CALHM5: variants seen among roughly 807,000 people sequenced by gnomAD.
CALHM5 encodes calcium homeostasis modulator protein 5.
A neutral mutation model predicts 20.9 loss-of-function variants in CALHM5; 17 were observed. The observed-to-expected ratio is 0.82, with a 90% CI of 0.56 to 1.22. The LOEUF (loss-of-function observed/expected upper bound fraction) is 1.22. CALHM5 is among the 50% of genes most tolerant of loss of function. The pLI, the probability that CALHM5 is intolerant of heterozygous loss-of-function variation, is 0.00. For synonymous variants in CALHM5, 148 were observed against 140.0 expected (o/e 1.06, Z -0.40); for missense variants, 360 against 364.6 (o/e 0.99, Z 0.10).
At position 116,511,793 on chromosome 6, in the gene CALHM5, C is replaced by T; in HGVS notation, c.97C>T (p.Leu33Phe). 6.2e-7 allele frequency: 1 copy of T among 1,614,096 alleles called. No individual in the cohort carries two copies. Among genetic ancestry groups the T allele is most frequent in the Non-Finnish European group, 8.5e-7 (1 of 1,180,002 alleles). The change falls in exon 1 of 2, where the codon CTC becomes TTC. Residue 33 changes from leucine (L) to phenylalanine (F), a missense_variant. Transcript: ENST00000368599. ...MALLTVGSER[L>F]FSVVAFKCPC... ...TCTGCTGACCGTGGGAAGTGAGCGTCTCTTTTCTGTTGTGGCTTTTAAGTG... is the reference window on the plus strand; with the variant it reads ...TCTGCTGACCGTGGGAAGTGAGCGTTTCTTTTCTGTTGTGGCTTTTAAGTG...
Position 116,515,612 on chromosome 6 carries a change from T to C in CALHM5, c.553T>C (p.Cys185Arg). ...LQAQSQILGW[C>R]LICSASFFSL... is the part of the protein sequence containing the mutation. ...CTTTCTTCTTAAGATTCTAGGATGG[T>C]GCCTGATTTGTTCAGCGTCTTTCTT... The change falls in exon 2 of 2, where the codon TGC (cysteine) becomes CGC (arginine). Residue 185 changes from cysteine (C) to arginine (R), a missense_variant. Physicochemically the swap from Cys to Arg is radical, Grantham distance 180. Coordinates refer to ENST00000368599, the MANE Select transcript of CALHM5 (RefSeq NM_153711.5). 6.2e-7 allele frequency: 1 copy of C among 1,610,438 alleles called. No individual in the cohort carries two copies. The highest frequency in any genetic ancestry group is 8.5e-7 in the Non-Finnish European group (1 of 1,178,306).
chr6:116,516,147 G>A lies in CALHM5; in HGVS notation c.*158G>A, dbSNP rs3734309. 406,811 of 933,748 alleles carry A rather than the reference G, an allele frequency of 0.44. 92,049 individuals are homozygous for A. The highest frequency in any genetic ancestry group is 0.54 in the Admixed American group (16,499 of 30,282). 57.8% of individuals were successfully genotyped at this position (933,748 alleles called of 1,614,324 possible). A position where few individuals can be genotyped will look rare whatever the true frequency, so the allele number is the denominator to read the frequency against. ...GGAAACTGCTTTGAAGCTCTCAAGT[G>A]GAACATCAGGATGTGCTCAAATTGA... is the stretch of plus-strand genomic sequence containing the variant. On this transcript the variant is annotated 3_prime_UTR_variant, in exon 2 of 2. Transcript: ENST00000368599.
At position 116,523,490 on chromosome 6, in the gene CALHM5, G is replaced by C. The variant is rs895330121; in HGVS notation, c.*7501G>C. 2.6e-5 allele frequency: 4 copies of C among 152,018 alleles called. No homozygotes were observed. Among genetic ancestry groups the C allele is most frequent in the African/African-American group, 9.7e-5 (4 of 41,374 alleles). The allele number at this position is 152,018 out of a possible 1,614,324, so 9.4% of individuals were successfully genotyped here. A position where few individuals can be genotyped will look rare whatever the true frequency, so the allele number is the denominator to read the frequency against. On this transcript the variant is annotated 3_prime_UTR_variant, in exon 2 of 2. Transcript: ENST00000368599. ...TACTAATTCTTTTATTGTTTGTAGG[G>C]CTTTTCAGAATTTGAAAGTAAACAT... is the stretch of plus-strand genomic sequence containing the variant.
rs1286041927 is a variant in CALHM5 at position 116,518,235 on chromosome 6, C to T, written c.*2246C>T. The T allele has an allele frequency of 1.3e-5, 2 of 152,076 alleles. No individual in the cohort carries two copies. The highest frequency in any genetic ancestry group is 3.9e-4 in the East Asian group (2 of 5,154). The allele number at this position is 152,076 out of a possible 1,614,324, so 9.4% of individuals were successfully genotyped here. On this transcript the variant is annotated 3_prime_UTR_variant, in exon 2 of 2. Transcript: ENST00000368599. ...ACTGGTGTCTGAAGTTGGGGGAGAT[C>T]TTATGGGACTGAGCTCTTAACCTGC... is the stretch of plus-strand genomic sequence containing the variant.
rs1269808795 is a variant in CALHM5, at chr6:116,517,452, T to C, written c.*1463T>C. Reference sequence around the variant, plus strand: ...TAAATCTCTGAGAAGAATTGTGCTTTAAAAAAGAACTATGTTTTGTGCTGT... The same window carrying C: ...TAAATCTCTGAGAAGAATTGTGCTTCAAAAAAGAACTATGTTTTGTGCTGT... On this transcript the variant is annotated 3_prime_UTR_variant, in exon 2 of 2. Transcript: ENST00000368599. 6.6e-6 allele frequency: 1 copy of C among 152,168 alleles called. No individual in the cohort carries two copies. The highest frequency in any genetic ancestry group is 1.5e-5 in the Non-Finnish European group (1 of 68,024). 9.4% of individuals were successfully genotyped at this position (152,168 alleles called of 1,614,324 possible). A position where few individuals can be genotyped will look rare whatever the true frequency, so the allele number is the denominator to read the frequency against.
chr6:116,513,397 G>A (rs1772162769), intron 1 of CALHM5, among the ~76,000 whole-genome samples: 1 of 152,074 alleles, frequency 6.6e-6, no homozygotes, highest in South Asian at 2.1e-4. Context: ...TTGAAGAAGG[G>A]TATAACTTAC....
chr6:116,521,488 T>C lies in CALHM5; in HGVS notation c.*5499T>C, dbSNP rs1340350880. On this transcript the variant is annotated 3_prime_UTR_variant, in exon 2 of 2. Transcript: ENST00000368599. ...CCAACTCCAGGAGACAGAGAAAAGA[T>C]TGGTGACCCAACTCGAGTGGAGAGA... 1.3e-5 allele frequency: 2 copies of C among 150,976 alleles called. No individual in the cohort carries two copies. The highest frequency in any genetic ancestry group is 2.0e-4 in the East Asian group (1 of 5,112). 9.4% of individuals were successfully genotyped at this position (150,976 alleles called of 1,614,324 possible).
In CALHM5 at chr6:116,512,014, C is replaced by T. The variant is rs750198484; in HGVS notation, c.318C>T (p.Ser106=). Residue 106 remains serine, a synonymous_variant, in exon 1 of 2, where the codon AGC becomes AGT. Transcript: ENST00000368599. ...ACGTCCTCGGCCAGATCACTCTGAG[C>T]TCATTGGTGGCTCCAGTGATGTGGC... The part of the protein sequence containing the change: ...FFYVLGQITL[S]SLVAPVMWLS... 3.7e-5 allele frequency: 59 copies of T among 1,613,880 alleles called. No individual in the cohort carries two copies. Among genetic ancestry groups the T allele is most frequent in the Middle Eastern group, 3.3e-4 (2 of 6,064 alleles).
Position 116,518,627 on chromosome 6 carries a change from T to A in CALHM5, c.*2638T>A, listed in dbSNP as rs373659007. 6.6e-6 allele frequency: 1 copy of A among 152,152 alleles called. No homozygotes were observed. Among genetic ancestry groups the A allele is most frequent in the South Asian group, 2.1e-4 (1 of 4,830 alleles). 9.4% of individuals were successfully genotyped at this position (152,152 alleles called of 1,614,324 possible). A position where few individuals can be genotyped will look rare whatever the true frequency, so the allele number is the denominator to read the frequency against. ...GTCTTCTGAGCTGGAAAAAGACATA[T>A]AGGAACTGGCCGATGCCGATGCCTC... is the stretch of plus-strand genomic sequence containing the variant. On this transcript the variant is annotated 3_prime_UTR_variant, in exon 2 of 2. Coordinates refer to ENST00000368599, the MANE Select transcript of CALHM5 (RefSeq NM_153711.5).
chr6:116,515,376 T>C (rs1336986046), intron 1 of CALHM5, among the ~76,000 whole-genome samples: 3 of 152,190 alleles, frequency 2.0e-5, no homozygotes, highest in Non-Finnish European at 4.4e-5. Flanking sequence ...GCACCAGCAA[T>C]GTTGGGGAGG....
At position 116,511,929 on chromosome 6, in the gene CALHM5, C is replaced by G. The variant is rs138333300; in HGVS notation, c.233C>G (p.Thr78Arg). ...FLNNRSWRLF[T>R]GCCVNPRKIF... is the part of the protein sequence containing the mutation. Reference sequence around the variant, plus strand: ...AACAATAGGTCGTGGAGACTCTTCACAGGCTGCTGTGTGAATCCCAGGAAA... The same window carrying G: ...AACAATAGGTCGTGGAGACTCTTCAGAGGCTGCTGTGTGAATCCCAGGAAA... The change falls in exon 1 of 2, where the codon ACA (threonine) becomes AGA (arginine). Residue 78 changes from threonine to arginine, a missense_variant. Thr to Arg is a moderately conservative substitution (Grantham distance 71, BLOSUM62 -1). Coordinates refer to ENST00000368599, the MANE Select transcript of CALHM5 (RefSeq NM_153711.5). The G allele has an allele frequency of 1.9e-6, 3 of 1,613,930 alleles. No homozygotes were observed. The African/African-American group carries it at 4.0e-5, about 22-fold the overall frequency.
rs1293835480 is a variant in CALHM5, at chr6:116,522,893, G to A, written c.*6904G>A. The A allele has an allele frequency of 2.0e-5, 3 of 151,934 alleles. 1 individual carries two copies. The highest frequency in any genetic ancestry group is 4.4e-5 in the Non-Finnish European group (3 of 68,012). 9.4% of individuals were successfully genotyped at this position (151,934 alleles called of 1,614,324 possible). On this transcript the variant is annotated 3_prime_UTR_variant, in exon 2 of 2. Coordinates refer to ENST00000368599, the MANE Select transcript of CALHM5 (RefSeq NM_153711.5). ...CCTGCAGTTTAACGTGATCCTAGCT[G>A]ATTCCAGTTCAAGCTAAATTTGATA...
Position 116,511,752 on chromosome 6 carries a change from G to T in CALHM5, c.56G>T (p.Gly19Val), listed in dbSNP as rs138683426. 2 of 1,613,894 alleles carry T rather than the reference G, an allele frequency of 1.2e-6. No individual in the cohort carries two copies. Among genetic ancestry groups the T allele is most frequent in the African/African-American group, 2.7e-5 (2 of 74,886 alleles). The part of the protein sequence containing the change: ...KFFLNQKTVI[G>V]YSFMALLTVG... ...TTCCTTAATCAGAAAACTGTTATTG[G>T]CTACAGCTTCATGGCTCTGCTGACC... Residue 19 changes from glycine to valine, a missense_variant, in exon 1 of 2, where the codon GGC (glycine) becomes GTC (valine). Physicochemically the swap from Gly to Val is moderately radical, Grantham distance 109 (BLOSUM62 -3). Transcript: ENST00000368599.
chr6:116,513,341 A>G (rs1772161926), intron 1 of CALHM5, among the ~76,000 whole-genome samples: 1 of 152,212 alleles, frequency 6.6e-6, no homozygotes, highest in African/African-American at 2.4e-5. Context: ...CATAAAGCAC[A>G]TCTTAGATAA....
intron 1 of CALHM5, among the ~76,000 whole-genome samples, chr6:116,514,266 G>A (rs1324727965): frequency 6.6e-6 from 1 of 152,168 alleles, no homozygotes. Flanking sequence ...CTCAGGTACT[G>A]AGATGAGATG....
rs1465772533 is a variant in CALHM5, at chr6:116,521,443, A to G, written c.*5454A>G. On this transcript the variant is annotated 3_prime_UTR_variant, in exon 2 of 2. Transcript: ENST00000368599. ...AGTTTTTATTTCCAAGGGCCAATAG[A>G]TAAGGAGAATATTGGTGACCCAACT... 1 of 152,098 alleles carries G rather than the reference A, an allele frequency of 6.6e-6. No individual in the cohort carries two copies. Among genetic ancestry groups the G allele is most frequent in the East Asian group, 1.9e-4 (1 of 5,184 alleles). The allele number at this position is 152,098 out of a possible 1,614,324, so 9.4% of individuals were successfully genotyped here.
At position 116,522,378 on chromosome 6, in the gene CALHM5, G is replaced by A. The variant is rs1238498831; in HGVS notation, c.*6389G>A. ...AATTTTGGGGCAATATGAAGCGACA[G>A]AACCTGAACACTAACATGAAAATCA... On this transcript the variant is annotated 3_prime_UTR_variant, in exon 2 of 2. Coordinates refer to ENST00000368599, the MANE Select transcript of CALHM5 (RefSeq NM_153711.5). 3.3e-5 allele frequency: 5 copies of A among 152,188 alleles called. No individual in the cohort carries two copies. The highest frequency in any genetic ancestry group is 5.9e-5 in the Non-Finnish European group (4 of 68,040). The allele number at this position is 152,188 out of a possible 1,614,324, so 9.4% of individuals were successfully genotyped here.
intron 1 of CALHM5, among the ~76,000 whole-genome samples, chr6:116,515,185 A>AT (rs1250392969): frequency 6.6e-6 from 1 of 152,198 alleles, no homozygotes; most frequent in Admixed American, 6.5e-5. Context: ...ATGTATATAC[A>AT]TTTATCAATG....
chr6:116,515,315 A>T (rs1772201307), intron 1 of CALHM5, among the ~76,000 whole-genome samples: 1 of 152,190 alleles, frequency 6.6e-6, no homozygotes, highest in Non-Finnish European at 1.5e-5. Context: ...AGTCTTATGT[A>T]ATCTATACTT....
Sources: gnomAD v4.1 joint callset for allele counts (sites outside exome capture counted in the v4.1 genomes callset) on GRCh38, gnomAD v4.1.1 for gene constraint, MANE v1.5 for transcripts, NCBI Gene and HGNC (gene_info 2026-07-23, HGNC 2026-07-21) for gene names.